The following IFT88 variants were observed in gnomAD, a reference collection of about 807,000 sequenced individuals.
IFT88 encodes intraflagellar transport protein 88 homolog.
IFT88 carries 74 observed loss-of-function variants against 119.5 expected under a neutral mutation model. The ratio of observed to expected loss-of-function variants is 0.62; its 90% CI spans 0.51 to 0.75. The LOEUF (loss-of-function observed/expected upper bound fraction) is 0.75. IFT88 is among the 30% of genes least tolerant of loss of function. The pLI, the probability that IFT88 is intolerant of heterozygous loss-of-function variation, is 0.00. For missense variants in IFT88, 961 were observed against 977.7 expected (o/e 0.98, Z 0.23); for synonymous variants, 279 against 316.7 (o/e 0.88, Z 1.26).
intron 20 of IFT88, among the ~76,000 whole-genome samples, chr13:20,650,960 T>C (rs1407378074): frequency 1.3e-5 from 2 of 152,148 alleles, no homozygotes; most frequent in Non-Finnish European, 2.9e-5. Context: ...TTTGGCACCT[T>C]TGTTGGAAAT....
intron 1 of IFT88, chr13:20,567,674 A>G: frequency 9.3e-7 from 1 of 1,073,106 alleles, no homozygotes; most frequent in Non-Finnish European, 1.2e-6. Context: ...TGTTAGGTGA[A>G]GCACTTCAAA....
chr13:20,630,200 T>A (rs1233403205), intron 15 of IFT88, among the ~76,000 whole-genome samples: 2 of 152,186 alleles, frequency 1.3e-5, no homozygotes, highest in Admixed American at 6.5e-5. Context: ...TTCATTATGC[T>A]CCCGTAAGTC....
At chr13:20,634,727 C>T (rs1252075223) in intron 16 of IFT88, among the ~76,000 whole-genome samples, 1 of 130,086 alleles carries the variant, frequency 7.7e-6, no homozygotes, top group African/African-American at 3.1e-5. Flanking sequence ...GACTCCATCT[C>T]AAACAAACAA....
chr13:20,599,814 A>G (rs1218268001), intron 11 of IFT88, among the ~76,000 whole-genome samples: 1 of 152,158 alleles, frequency 6.6e-6, no homozygotes, highest in African/African-American at 2.4e-5. Context: ...GTTAACCCTG[A>G]AGGCCATTAC....
At chr13:20,644,185 A>G (rs78778671) in intron 19 of IFT88, among the ~76,000 whole-genome samples, 6,623 of 152,170 alleles carry the variant, frequency 0.044, 187 homozygotes, top group Middle Eastern at 0.075. Context: ...TAGGCAACAT[A>G]ACAAGACCCC....
chr13:20,684,419 T>C (rs11147813), intron 24 of IFT88, among the ~76,000 whole-genome samples: 74,589 of 151,990 alleles, frequency 0.49, 19,288 homozygotes, highest in East Asian at 0.7. Flanking sequence ...TGCTCTGTCA[T>C]CTCTTCTGTT....
At chr13:20,625,960 G>T in intron 15 of IFT88, 111 bp downstream of exon 15, 2 of 315,104 alleles carry the variant, frequency 6.3e-6, no homozygotes, top group Non-Finnish European at 1.1e-5. Context: ...TTCTGAAGTT[G>T]AATAATATTT....
intron 22 of IFT88, chr13:20,663,233 C>G: frequency 7.1e-7 from 1 of 1,406,668 alleles, no homozygotes; most frequent in Non-Finnish European, 9.3e-7. Flanking sequence ...AGTTCTCTGC[C>G]AGCAGTGTCC....
chr13:20,625,443 G>C (rs2047147171), intron 14 of IFT88, among the ~76,000 whole-genome samples: 1 of 152,116 alleles, frequency 6.6e-6, no homozygotes, highest in Admixed American at 6.5e-5. Context: ...GGAAAAATAT[G>C]TGGAAACTGT....
At position 20,641,407 on chromosome 13, in the gene IFT88, T is replaced by C. The variant is rs760162652; in HGVS notation, c.1682+9T>C. The C allele has an allele frequency of 7.2e-6, 11 of 1,531,200 alleles. No individual in the cohort carries two copies. The highest frequency in any genetic ancestry group is 7.2e-6 in the Non-Finnish European group (8 of 1,107,956). 94.9% of individuals were successfully genotyped at this position (1,531,200 alleles called of 1,614,324 possible). ...TACCAGATAGCAAATATGTATCTTA[T>C]TTGAAAACCTTAGGGACAGTTATTA... is the stretch of plus-strand genomic sequence containing the variant. On this transcript the variant is annotated intron_variant, in intron 18 of 25. Transcript: ENST00000351808.
chr13:20,660,465 A>C (rs78656137), intron 22 of IFT88, among the ~76,000 whole-genome samples: 1,857 of 152,314 alleles, frequency 0.012, 37 homozygotes, highest in African/African-American at 0.043. Context: ...AAAGGTTCTA[A>C]AGTGTGATTA....
At position 20,598,685 on chromosome 13, in the gene IFT88, A is replaced by G. The variant is rs1214047740; in HGVS notation, c.629A>G (p.Asn210Ser). The G allele has an allele frequency of 1.9e-6, 3 of 1,611,376 alleles. No homozygotes were observed. The highest frequency in any genetic ancestry group is 4.5e-5 in the East Asian group (2 of 44,676). Residue 210 changes from asparagine to serine, a missense_variant, in exon 10 of 26, where the codon AAT becomes AGT. Coordinates refer to ENST00000351808, the MANE Select transcript of IFT88 (RefSeq NM_006531.5). Reference protein sequence around the residue: ...LFNLASQYSVNEMYAEALNTY... With the variant: ...LFNLASQYSVSEMYAEALNTY... ...AATTTGGCCAGTCAGTATTCAGTTA[A>G]TGAAATGTATGCCGAAGCACTTAAC...
intron 24 of IFT88, among the ~76,000 whole-genome samples, chr13:20,676,509 A>C (rs370168593): frequency 3.4e-4 from 52 of 152,304 alleles, no homozygotes; most frequent in African/African-American, 1.2e-3. Context: ...CCATGTTCTC[A>C]CCACTGCCAG....
At chr13:20,604,270 A>T (rs564769685) in intron 12 of IFT88, among the ~76,000 whole-genome samples, 49 of 152,234 alleles carry the variant, frequency 3.2e-4, no homozygotes, top group Admixed American at 8.5e-4. Flanking sequence ...AAAAAAATGT[A>T]TGTGAAAGAT....
At chr13:20,662,739 TTG>T (rs10540727) in intron 22 of IFT88, among the ~76,000 whole-genome samples, 24,890 of 152,206 alleles carry the variant, frequency 0.16, 2,375 homozygotes, top group African/African-American at 0.25. Context: ...GACAAAATTA[TTG>T]TGTTTTTTAG....
chr13:20,669,110 A>G (rs1367331599), intron 23 of IFT88, among the ~76,000 whole-genome samples: 1 of 152,198 alleles, frequency 6.6e-6, no homozygotes, highest in East Asian at 1.9e-4. Flanking sequence ...GAAAGACAAG[A>G]AGGAGGCAAG....
chr13:20,591,793 A>G, intron 6 of IFT88, 112 bp downstream of exon 6: 2 of 698,254 alleles, frequency 2.9e-6, no homozygotes, highest in East Asian at 5.7e-5. Context: ...GCCATTGATT[A>G]TAAGATGCAC....
chr13:20,596,095 T>A, intron 7 of IFT88, 55 bp from the exon 8 acceptor site: 1 of 533,524 alleles, frequency 1.9e-6, no homozygotes, highest in Non-Finnish European at 3.2e-6. Flanking sequence ...TAAATTTTAG[T>A]ATAGATTTTT....
At chr13:20,652,005 G>T (rs1381361520) in intron 20 of IFT88, among the ~76,000 whole-genome samples, 1 of 152,210 alleles carries the variant, frequency 6.6e-6, no homozygotes, top group Non-Finnish European at 1.5e-5. Flanking sequence ...TACATGAAGT[G>T]TCTAAAATGG....
Sources: gnomAD v4.1 joint callset for allele counts (sites outside exome capture counted in the v4.1 genomes callset) on GRCh38, gnomAD v4.1.1 for gene constraint, MANE v1.5 for transcripts, NCBI Gene and HGNC (gene_info 2026-07-23, HGNC 2026-07-21) for gene names.